The following MTARC2 variants were observed in gnomAD, a reference collection of about 807,000 sequenced individuals.
MTARC2 encodes the protein MOCO sulphurase C-terminal domain containing 2.
MTARC2 carries 27 observed loss-of-function variants against 35.6 expected under a neutral mutation model. That is an observed-to-expected ratio of 0.76 (90% CI 0.56 to 1.04). The LOEUF (loss-of-function observed/expected upper bound fraction) is 1.04. MTARC2 is among the 50% of genes least tolerant of loss of function. The pLI is 0.00. For missense variants in MTARC2, 412 were observed against 432.5 expected (o/e 0.95, Z 0.42); for synonymous variants, 158 against 167.1 (o/e 0.95, Z 0.42).
chr1:220,771,295 T>TAAAAAAAAA (rs1671737093), intron 4 of MTARC2, among the ~76,000 whole-genome samples: 1 of 37,734 alleles, frequency 2.7e-5, no homozygotes, highest in African/African-American at 3.5e-4. Flanking sequence ...TGAGACTGTC[T>TAAAAAAAAA]CAAAAAAAAA....
intron 2 of MTARC2, among the ~76,000 whole-genome samples, chr1:220,758,988 TCTTCA>T (rs1671359481): frequency 2.0e-5 from 3 of 152,288 alleles, no homozygotes; most frequent in Admixed American, 2.0e-4. Context: ...ATATTATTTT[TCTTCA>T]CTTGTTTGTG....
intron 2 of MTARC2, among the ~76,000 whole-genome samples, chr1:220,760,149 A>G (rs562193590): frequency 9.2e-5 from 14 of 152,302 alleles, no homozygotes; most frequent in Admixed American, 9.2e-4. Context: ...TACAGAGGAA[A>G]GGCTTTTGTC....
intron 1 of MTARC2, chr1:220,754,349 T>C (rs1450539340): frequency 2.2e-6 from 1 of 456,274 alleles, no homozygotes; most frequent in African/African-American, 2.0e-5. Context: ...CTTCTGTGTG[T>C]CTTTGTTCTC....
chr1:220,784,155 AAATGCTATTTTG>A lies in MTARC2; in HGVS notation c.*273_*284del, dbSNP rs1465753035. 2 of 484,158 alleles carry A rather than the reference AAATGCTATTTTG, an allele frequency of 4.1e-6. No individual in the cohort carries two copies. The highest frequency in any genetic ancestry group is 7.4e-6 in the Non-Finnish European group (2 of 269,188). The allele number at this position is 484,158 out of a possible 1,614,324, so 30.0% of individuals were successfully genotyped here. On this transcript the variant is annotated 3_prime_UTR_variant, in exon 8 of 8. Transcript: ENST00000366913. ...CTTTAAAAATAATTAAGATCATCAAAAATGCTATTTTGAATGTTATCATGGCTATTACACTTT... is the reference window on the plus strand; with the variant it reads ...CTTTAAAAATAATTAAGATCATCAAAAATGTTATCATGGCTATTACACTTT...
intron 4 of MTARC2, among the ~76,000 whole-genome samples, chr1:220,763,393 A>G (rs1156343712): frequency 6.6e-6 from 1 of 152,208 alleles, no homozygotes; most frequent in East Asian, 1.9e-4. Flanking sequence ...CCACTTCTCT[A>G]TCACTCAGCA....
chr1:220,748,551 C>G lies in MTARC2; in HGVS notation c.20C>G (p.Ser7Cys). 7.0e-7 allele frequency: 1 copy of G among 1,433,736 alleles called. No individual in the cohort carries two copies. The highest frequency in any genetic ancestry group is 1.4e-5 in the South Asian group (1 of 70,098). 88.8% of individuals were successfully genotyped at this position (1,433,736 alleles called of 1,614,324 possible). A position where few individuals can be genotyped will look rare whatever the true frequency, so the allele number is the denominator to read the frequency against. MGASSS[S>C]ALARLGLPAR... ...TCTGCCATGGGCGCTTCCAGCTCCTCCGCGCTGGCCCGCCTCGGCCTCCCA... is the reference window on the plus strand; with the variant it reads ...TCTGCCATGGGCGCTTCCAGCTCCTGCGCGCTGGCCCGCCTCGGCCTCCCA... The change falls in exon 1 of 8, where the codon TCC becomes TGC. Residue 7 changes from serine (S) to cysteine (C), a missense_variant. Physicochemically the swap from Ser to Cys is moderately radical, Grantham distance 112. Transcript: ENST00000366913.
intron 4 of MTARC2, among the ~76,000 whole-genome samples, chr1:220,772,700 TTG>T (rs371722709): frequency 2.2e-4 from 33 of 148,486 alleles, no homozygotes; most frequent in African/African-American, 4.2e-4. Flanking sequence ...GTGTGTGTGT[TTG>T]TGTGTGTGTG....
intron 4 of MTARC2, among the ~76,000 whole-genome samples, chr1:220,776,113 A>G (rs1367573824): frequency 6.6e-6 from 1 of 152,198 alleles, no homozygotes; most frequent in Non-Finnish European, 1.5e-5. Context: ...ATCGCTTTCC[A>G]TGGTGGTTGA....
intron 4 of MTARC2, among the ~76,000 whole-genome samples, chr1:220,770,120 C>T (rs1318414804): frequency 1.3e-5 from 2 of 151,802 alleles, no homozygotes; most frequent in Non-Finnish European, 2.9e-5. Context: ...AAAACAAAAA[C>T]AAAACCAAAA....
At chr1:220,765,962 C>T (rs1034217545) in intron 4 of MTARC2, among the ~76,000 whole-genome samples, 2 of 152,210 alleles carry the variant, frequency 1.3e-5, no homozygotes, top group Admixed American at 6.5e-5. Context: ...TGCATCTCTG[C>T]ACTGGCAGCA....
chr1:220,772,983 CG>C (rs900389808), intron 4 of MTARC2, among the ~76,000 whole-genome samples: 11 of 152,104 alleles, frequency 7.2e-5, no homozygotes, highest in Non-Finnish European at 1.6e-4. Context: ...TCCCGAGTGA[CG>C]GGGTAAGAGG....
At chr1:220,762,781 C>G (rs2102552658) in intron 3 of MTARC2, 129 bp from the exon 4 acceptor site, 1 of 986,736 alleles carries the variant, frequency 1.0e-6, no homozygotes, top group South Asian at 1.6e-5. Context: ...TCACATCTCT[C>G]TCCTTCCTGA....
chr1:220,776,242 T>C (rs1279964788), intron 4 of MTARC2, among the ~76,000 whole-genome samples: 1 of 151,780 alleles, frequency 6.6e-6, no homozygotes. Context: ...TGGTAGTTCA[T>C]TGTGGTTTCG....
At chr1:220,754,901 G>T (rs761817803) in intron 1 of MTARC2, 46 bp from the exon 2 acceptor site, 2 of 1,515,374 alleles carry the variant, frequency 1.3e-6, no homozygotes, top group Non-Finnish European at 1.8e-6. Context: ...GCTGTTGGGA[G>T]GTGGAAGAGG....
rs1047644163 is a variant in MTARC2, at chr1:220,748,505, C to T, written c.-27C>T. ...CTCCGGTCGCTGCCGGGTCTGTGCGCCGGTCCGCGCCCGCCCTCGCTCTGC... is the reference window on the plus strand; with the variant it reads ...CTCCGGTCGCTGCCGGGTCTGTGCGTCGGTCCGCGCCCGCCCTCGCTCTGC... On this transcript the variant is annotated 5_prime_UTR_variant, in exon 1 of 8. Coordinates refer to ENST00000366913, the MANE Select transcript of MTARC2 (RefSeq NM_017898.5). The T allele has an allele frequency of 2.2e-6, 3 of 1,374,616 alleles. No homozygotes were observed. The highest frequency in any genetic ancestry group is 3.1e-5 in the African/African-American group (2 of 65,160). 85.2% of individuals were successfully genotyped at this position (1,374,616 alleles called of 1,614,324 possible). A position where few individuals can be genotyped will look rare whatever the true frequency, so the allele number is the denominator to read the frequency against.
intron 4 of MTARC2, among the ~76,000 whole-genome samples, chr1:220,766,411 T>C (rs1394821817): frequency 6.6e-6 from 1 of 152,140 alleles, no homozygotes; most frequent in African/African-American, 2.4e-5. Flanking sequence ...ATTCATTAAA[T>C]GCCTGGCAAA....
intron 4 of MTARC2, among the ~76,000 whole-genome samples, chr1:220,775,367 T>TTA: frequency 6.6e-6 from 1 of 152,276 alleles, no homozygotes; most frequent in African/African-American, 2.4e-5. Context: ...CTCCATAGTT[T>TTA]TATCCCATCA....
At chr1:220,781,065 T>C (rs2102573799) in intron 6 of MTARC2, among the ~76,000 whole-genome samples, 1 of 150,936 alleles carries the variant, frequency 6.6e-6, no homozygotes, top group South Asian at 2.1e-4. Flanking sequence ...CCAACGAAGA[T>C]AGTGATTTAG....
intron 4 of MTARC2, among the ~76,000 whole-genome samples, chr1:220,778,684 G>A (rs1453859706): frequency 6.6e-6 from 1 of 152,200 alleles, no homozygotes; most frequent in Non-Finnish European, 1.5e-5. Flanking sequence ...CCCAAAATAT[G>A]CCGCTCCAGC....
Sources: gnomAD v4.1 joint callset for allele counts (sites outside exome capture counted in the v4.1 genomes callset) on GRCh38, gnomAD v4.1.1 for gene constraint, MANE v1.5 for transcripts, NCBI Gene and HGNC (gene_info 2026-07-23, HGNC 2026-07-21) for gene names.